TSPAN2: variants seen among roughly 807,000 people sequenced by gnomAD.
TSPAN2 encodes the protein tetraspanin-2.
TSPAN2 carries 24 observed loss-of-function variants against 33.3 expected under a neutral mutation model. That is an observed-to-expected ratio of 0.72 (90% CI 0.52 to 1.01). The LOEUF (loss-of-function observed/expected upper bound fraction) is 1.01, where lower values mean the gene tolerates loss of function less well. Among genes scored for constraint, TSPAN2 ranks in the 50% least tolerant of loss-of-function variants. TSPAN2 has a pLI of 0.00. For synonymous variants in TSPAN2, 114 were observed against 104.5 expected (o/e 1.09, Z -0.56); for missense variants, 278 against 281.3 (o/e 0.99, Z 0.08).
At chr1:115,083,064 G>T (rs1434344225) in intron 1 of TSPAN2, among the ~76,000 whole-genome samples, 1 of 152,194 alleles carries the variant, frequency 6.6e-6, no homozygotes, top group African/African-American at 2.4e-5. Context: ...GGCAGGCCAA[G>T]GTAACCCGAG....
intron 2 of TSPAN2, among the ~76,000 whole-genome samples, chr1:115,068,594 T>A (rs554474702): frequency 6.6e-6 from 1 of 152,214 alleles, no homozygotes; most frequent in South Asian, 2.1e-4. Context: ...GATCAGTGAA[T>A]GGTGCCCTGT....
At chr1:115,051,284 G>A (rs892298911) in intron 7 of TSPAN2, among the ~76,000 whole-genome samples, 1 of 152,030 alleles carries the variant, frequency 6.6e-6, no homozygotes, top group Non-Finnish European at 1.5e-5. Context: ...ACTCCCTGGT[G>A]ACAGAGACCC....
chr1:115,065,702 T>A (rs1271965452), intron 2 of TSPAN2, among the ~76,000 whole-genome samples: 1 of 152,220 alleles, frequency 6.6e-6, no homozygotes, highest in East Asian at 1.9e-4. Context: ...AAGGATCAAA[T>A]CAGTGTCACT....
intron 6 of TSPAN2, among the ~76,000 whole-genome samples, chr1:115,054,716 G>A (rs1031186868): frequency 3.3e-5 from 5 of 152,092 alleles, no homozygotes; most frequent in African/African-American, 9.7e-5. Context: ...GGCTGGGCGC[G>A]GTGGCTCAAG....
chr1:115,052,957 A>G (rs1483125076), intron 7 of TSPAN2, among the ~76,000 whole-genome samples: 1 of 152,224 alleles, frequency 6.6e-6, no homozygotes, highest in East Asian at 1.9e-4. Context: ...GCCTAGAGTT[A>G]AATCCAAACC....
intron 2 of TSPAN2, 21 bp from the exon 3 acceptor site, chr1:115,062,253 G>T (rs1396677087): frequency 1.3e-6 from 2 of 1,561,082 alleles, no homozygotes; most frequent in African/African-American, 2.7e-5. Context: ...GAGGTCAGAG[G>T]AGACCACTGA....
chr1:115,074,795 T>C (rs531668656), intron 1 of TSPAN2, among the ~76,000 whole-genome samples: 87 of 152,278 alleles, frequency 5.7e-4, no homozygotes, highest in African/African-American at 2.1e-3. Flanking sequence ...ATGCTTTAAC[T>C]TGGGAGGACA....
chr1:115,052,277 C>T (rs1675335544), intron 7 of TSPAN2, among the ~76,000 whole-genome samples: 1 of 152,160 alleles, frequency 6.6e-6, no homozygotes, highest in Admixed American at 6.5e-5. Context: ...CTTGTGTGTC[C>T]CCTGATAACT....
At chr1:115,071,304 G>C (rs1362270237) in intron 2 of TSPAN2, among the ~76,000 whole-genome samples, 1 of 152,166 alleles carries the variant, frequency 6.6e-6, no homozygotes, top group Non-Finnish European at 1.5e-5. Flanking sequence ...TCTGAAAAAG[G>C]TTTTACTCAT....
chr1:115,084,230 C>T (rs1648745189), intron 1 of TSPAN2, among the ~76,000 whole-genome samples: 1 of 152,190 alleles, frequency 6.6e-6, no homozygotes, highest in South Asian at 2.1e-4. Flanking sequence ...TATAACCTTA[C>T]ATATATTAAC....
intron 7 of TSPAN2, among the ~76,000 whole-genome samples, chr1:115,050,820 G>A (rs763511904): frequency 3.4e-4 from 51 of 152,124 alleles, no homozygotes; most frequent in Non-Finnish European, 5.1e-4. Context: ...TTATAGAACC[G>A]TTCTGAATAC....
intron 7 of TSPAN2, among the ~76,000 whole-genome samples, chr1:115,052,207 A>G (rs958339296): frequency 6.6e-6 from 1 of 152,206 alleles, no homozygotes; most frequent in Non-Finnish European, 1.5e-5. Context: ...GGGCCTCAGC[A>G]GAGTATTTCC....
chr1:115,071,519 A>G (rs890343551), intron 2 of TSPAN2, among the ~76,000 whole-genome samples: 1 of 152,122 alleles, frequency 6.6e-6, no homozygotes, highest in Non-Finnish European at 1.5e-5. Context: ...CCATCTCCAG[A>G]CTTCTTTTAC....
At chr1:115,071,753 A>G (rs1648182898) in intron 2 of TSPAN2, among the ~76,000 whole-genome samples, 2 of 152,068 alleles carry the variant, frequency 1.3e-5, no homozygotes, top group Non-Finnish European at 2.9e-5. Context: ...GTTTTCTGCT[A>G]CTCTCCTCTA....
In TSPAN2 at chr1:115,089,400, G is replaced by C; in HGVS notation, c.33C>G (p.Ile11Met). 1 of 1,594,532 alleles carries C rather than the reference G, an allele frequency of 6.3e-7. No individual in the cohort carries two copies. The highest frequency in any genetic ancestry group is 8.5e-7 in the Non-Finnish European group (1 of 1,172,086). MGRFRGGLRC[I>M]KYLLLGFNLL... Reference sequence around the variant, plus strand: ...GGTTGAAGCCAAGCAGCAGGTACTTGATGCACCGCAGGCCCCCGCGGAAGC... The same window carrying C: ...GGTTGAAGCCAAGCAGCAGGTACTTCATGCACCGCAGGCCCCCGCGGAAGC... Residue 11 changes from isoleucine to methionine, a missense_variant, in exon 1 of 8, where the codon ATC (isoleucine) becomes ATG (methionine). Physicochemically the swap from Ile to Met is conservative, Grantham distance 10 (BLOSUM62 1). Coordinates refer to ENST00000369516, the MANE Select transcript of TSPAN2 (RefSeq NM_005725.6).
intron 1 of TSPAN2, among the ~76,000 whole-genome samples, chr1:115,081,674 T>C (rs1459475271): frequency 6.6e-6 from 1 of 152,206 alleles, no homozygotes; most frequent in Non-Finnish European, 1.5e-5. Context: ...AAGGTAATAA[T>C]AGTGCCTCCT....
At chr1:115,088,957 C>G (rs907442925) in intron 1 of TSPAN2, among the ~76,000 whole-genome samples, 27 of 152,130 alleles carry the variant, frequency 1.8e-4, no homozygotes, top group African/African-American at 6.5e-4. Flanking sequence ...CCTGGCCAGG[C>G]CCTGGTTCCA....
chr1:115,053,655 A>G (rs541328195), intron 6 of TSPAN2, among the ~76,000 whole-genome samples, 193 bp from the exon 7 acceptor site: 3 of 152,334 alleles, frequency 2.0e-5, no homozygotes, highest in East Asian at 1.9e-4. Context: ...TTGGGGAAAA[A>G]AATAGAAGCC....
At chr1:115,058,424 A>C (rs1428061294) in intron 5 of TSPAN2, 1 of 223,598 alleles carries the variant, frequency 4.5e-6, no homozygotes, top group African/African-American at 2.4e-5. Context: ...GTGACCCTTC[A>C]TTCTACAAAT....
Sources: allele counts gnomAD v4.1 joint callset (sites outside exome capture counted in the v4.1 genomes callset), GRCh38; gene constraint gnomAD v4.1.1; transcripts MANE v1.5; gene names NCBI Gene and HGNC (gene_info 2026-07-23, HGNC 2026-07-21).